MAP3K5: variants seen among roughly 807,000 people sequenced by gnomAD.
MAP3K5 encodes ASK-1.
MAP3K5 carries 56 observed loss-of-function variants against 158.7 expected under a neutral mutation model. That is an observed-to-expected ratio of 0.35 (90% confidence interval 0.28 to 0.44). MAP3K5 has a LOEUF of 0.44. MAP3K5 is among the 20% of genes least tolerant of loss of function. MAP3K5 has a pLI of 1.00. For synonymous variants in MAP3K5, 579 were observed against 601.7 expected (o/e 0.96, Z 0.55); for missense variants, 1,294 against 1,674.8 (o/e 0.77, Z 3.97).
At chr6:136,786,671 T>C (rs1284082817) in intron 1 of MAP3K5, among the ~76,000 whole-genome samples, 1 of 152,192 alleles carries the variant, frequency 6.6e-6, no homozygotes, top group African/African-American at 2.4e-5. Context: ...AATTAAAATA[T>C]AGTTAAATAG....
chr6:136,570,292 G>A (rs2129070909), intron 25 of MAP3K5, among the ~76,000 whole-genome samples: 1 of 152,218 alleles, frequency 6.6e-6, no homozygotes, highest in Non-Finnish European at 1.5e-5. Context: ...TAAATCTCTG[G>A]CTGCTATTTC....
intron 9 of MAP3K5, among the ~76,000 whole-genome samples, 164 bp from the exon 10 acceptor site, chr6:136,656,624 T>C (rs1778761345): frequency 7.0e-6 from 1 of 143,838 alleles, no homozygotes; most frequent in African/African-American, 2.5e-5. Flanking sequence ...GTTTTCACAC[T>C]TTTTTTTTTT....
chr6:136,715,808 A>T (rs947440849), intron 2 of MAP3K5, among the ~76,000 whole-genome samples: 6 of 152,160 alleles, frequency 3.9e-5, no homozygotes, highest in African/African-American at 4.8e-5. Flanking sequence ...ACGGGGGCGG[A>T]TTGCTTGAGA....
At chr6:136,614,471 G>C (rs1776475171) in intron 15 of MAP3K5, among the ~76,000 whole-genome samples, 185 bp from the exon 16 acceptor site, 2 of 152,132 alleles carry the variant, frequency 1.3e-5, no homozygotes, top group Non-Finnish European at 1.5e-5. Flanking sequence ...GGATCTGAGG[G>C]GAAATGTGTC....
At chr6:136,623,576 A>G (rs1776903956) in intron 14 of MAP3K5, among the ~76,000 whole-genome samples, 1 of 152,212 alleles carries the variant, frequency 6.6e-6, no homozygotes, top group Non-Finnish European at 1.5e-5. Flanking sequence ...TAGAAAGGAA[A>G]TATCTATAGT....
At chr6:136,606,071 G>T (rs1776085126) in intron 18 of MAP3K5, among the ~76,000 whole-genome samples, 1 of 152,340 alleles carries the variant, frequency 6.6e-6, no homozygotes, top group African/African-American at 2.4e-5. Context: ...ATAAAGTGAA[G>T]GCCGGGTGCG....
At chr6:136,651,865 T>G (rs904374220) in intron 10 of MAP3K5, among the ~76,000 whole-genome samples, 1 of 152,146 alleles carries the variant, frequency 6.6e-6, no homozygotes, top group Non-Finnish European at 1.5e-5. Context: ...ATAACACACA[T>G]GCCCTGATTT....
intron 1 of MAP3K5, among the ~76,000 whole-genome samples, chr6:136,735,865 C>T (rs1036434444): frequency 2.0e-5 from 3 of 151,930 alleles, no homozygotes; most frequent in Non-Finnish European, 4.4e-5. Context: ...TAATTTCATC[C>T]TATGTTAAAA....
At chr6:136,618,802 G>A (rs1776677974) in intron 15 of MAP3K5, among the ~76,000 whole-genome samples, 2 of 152,130 alleles carry the variant, frequency 1.3e-5, no homozygotes, top group African/African-American at 4.8e-5. Context: ...TTAACTAAGA[G>A]GAAACTCTGG....
intron 7 of MAP3K5, among the ~76,000 whole-genome samples, chr6:136,671,853 A>G (rs570580935): frequency 2.0e-4 from 30 of 151,480 alleles, no homozygotes; most frequent in South Asian, 1.3e-3. Context: ...CTCGAACTCC[A>G]GACCTCAGGT....
intron 2 of MAP3K5, among the ~76,000 whole-genome samples, chr6:136,705,601 C>T (rs563451627): frequency 2.0e-5 from 3 of 152,204 alleles, no homozygotes; most frequent in East Asian, 3.9e-4. Flanking sequence ...CCACGATGCC[C>T]GGCCTAAAAA....
At chr6:136,760,608 A>T (rs1783706469) in intron 1 of MAP3K5, among the ~76,000 whole-genome samples, 1 of 152,124 alleles carries the variant, frequency 6.6e-6, no homozygotes, top group Admixed American at 6.5e-5. Flanking sequence ...TAATATTACG[A>T]GGTGAGGGCT....
chr6:136,745,092 G>A (rs1012834547), intron 1 of MAP3K5, among the ~76,000 whole-genome samples: 1 of 150,034 alleles, frequency 6.7e-6, no homozygotes, highest in African/African-American at 2.5e-5. Context: ...AATGTTTCCT[G>A]TTCAGAATAC....
At chr6:136,705,056 T>C (rs1781011765) in intron 3 of MAP3K5, 54 bp downstream of exon 3, 2 of 852,722 alleles carry the variant, frequency 2.3e-6, no homozygotes, top group Non-Finnish European at 3.7e-6. Context: ...CAAAGATTAG[T>C]TAATGGAAAA....
At chr6:136,571,808 T>C (rs769859073) in intron 25 of MAP3K5, among the ~76,000 whole-genome samples, 1 of 152,222 alleles carries the variant, frequency 6.6e-6, no homozygotes, top group Non-Finnish European at 1.5e-5. Context: ...CTTTCTTCTA[T>C]CTTTAATTTC....
At chr6:136,735,576 T>A (rs2114848527) in intron 1 of MAP3K5, among the ~76,000 whole-genome samples, 1 of 152,270 alleles carries the variant, frequency 6.6e-6, no homozygotes, top group East Asian at 1.9e-4. Flanking sequence ...AAGCCTGTAA[T>A]TCCCAGCACT....
At chr6:136,789,443 C>G (rs1175199648) in intron 1 of MAP3K5, among the ~76,000 whole-genome samples, 1 of 152,114 alleles carries the variant, frequency 6.6e-6, no homozygotes, top group Non-Finnish European at 1.5e-5. Flanking sequence ...TCCAGATGGG[C>G]AGGGGTTAAA....
chr6:136,669,415 T>G lies in MAP3K5; in HGVS notation c.1254-20A>C. On this transcript the variant is annotated intron_variant, in intron 7 of 29. Transcript: ENST00000359015. ...TTGAACCTATAAAAAACCACAAATG[T>G]ACAAGTTAACTTTCTCAATCATGAA... The G allele has an allele frequency of 7.2e-7, 1 of 1,394,020 alleles. No homozygotes were observed. Among genetic ancestry groups the G allele is most frequent in the South Asian group, 1.2e-5 (1 of 85,386 alleles). The allele number at this position is 1,394,020 out of a possible 1,614,324, so 86.4% of individuals were successfully genotyped here.
chr6:136,761,254 C>G (rs1040895228), intron 1 of MAP3K5, among the ~76,000 whole-genome samples: 2 of 140,124 alleles, frequency 1.4e-5, no homozygotes, highest in Admixed American at 7.6e-5. Context: ...GTGAGCACTA[C>G]GGGCACAAGA....
Sources: allele counts gnomAD v4.1 joint callset (sites outside exome capture counted in the v4.1 genomes callset), GRCh38; gene constraint gnomAD v4.1.1; transcripts MANE v1.5; gene names NCBI Gene and HGNC (gene_info 2026-07-23, HGNC 2026-07-21).